Variants in NPAS3 observed in about 807,000 individuals in gnomAD.
The protein encoded by NPAS3 is neuronal PAS domain-containing protein 3.
Under a neutral mutation model 73.1 loss-of-function variants are expected in NPAS3, and 14 were observed. The observed-to-expected ratio is 0.19, with a 90% confidence interval of 0.13 to 0.30. The LOEUF is 0.30. Among genes scored for constraint, NPAS3 ranks in the 10% least tolerant of loss-of-function variants. The probability of loss-of-function intolerance (pLI) is 1.00; values close to 1 mark genes in which losing one functional copy is unlikely to be tolerated. For missense variants in NPAS3, 1,096 were observed against 1,250.0 expected, an observed-to-expected ratio of 0.88 and a Z score of 1.86; for synonymous variants, 620 against 541.5, an observed-to-expected ratio of 1.14 and a Z score of -2.01.
intron 1 of NPAS3, among the ~76,000 whole-genome samples, chr14:33,015,771 A>G (rs1457816811): frequency 2.6e-5 from 4 of 152,194 alleles, no homozygotes; most frequent in African/African-American, 7.2e-5. Flanking sequence ...TGCTAAAGAA[A>G]TTACCTACGG....
chr14:33,784,753 T>C (rs201301616), intron 9 of NPAS3, among the ~76,000 whole-genome samples: 1 of 70,516 alleles, frequency 1.4e-5, no homozygotes, highest in African/African-American at 4.5e-5. Context: ...TTATTTTTTT[T>C]TTTTTTTTTT....
At chr14:33,672,167 T>C (rs550229541) in intron 5 of NPAS3, among the ~76,000 whole-genome samples, 1 of 152,300 alleles carries the variant, frequency 6.6e-6, no homozygotes, top group East Asian at 1.9e-4. Flanking sequence ...AGACAGACAC[T>C]ATTCTCTTAA....
At chr14:33,049,461 A>G (rs1383784390) in intron 1 of NPAS3, among the ~76,000 whole-genome samples, 1 of 152,220 alleles carries the variant, frequency 6.6e-6, no homozygotes, top group Non-Finnish European at 1.5e-5. Flanking sequence ...TCATGGGGGA[A>G]GACAAGGAGG....
chr14:33,683,023 T>C (rs1277791393), intron 6 of NPAS3, among the ~76,000 whole-genome samples: 1 of 147,684 alleles, frequency 6.8e-6, no homozygotes, highest in Non-Finnish European at 1.5e-5. Flanking sequence ...TGTTGGATCT[T>C]GGCACAGTTC....
intron 2 of NPAS3, among the ~76,000 whole-genome samples, chr14:33,171,290 G>A (rs2045378766): frequency 6.6e-6 from 1 of 152,268 alleles, no homozygotes; most frequent in Admixed American, 6.5e-5. Context: ...TCCAGCCTTC[G>A]TCGTTCCATT....
At chr14:33,190,199 T>C (rs1023382934) in intron 2 of NPAS3, among the ~76,000 whole-genome samples, 2 of 152,224 alleles carry the variant, frequency 1.3e-5, no homozygotes, top group Admixed American at 1.3e-4. Flanking sequence ...CAATGAAATA[T>C]TGTCTAATGC....
intron 7 of NPAS3, among the ~76,000 whole-genome samples, chr14:33,762,928 A>C (rs1297764437): frequency 6.6e-6 from 1 of 152,208 alleles, no homozygotes; most frequent in African/African-American, 2.4e-5. Flanking sequence ...TATAGAGAGA[A>C]ATAAGCACAT....
chr14:33,524,270 A>G (rs1399974007), intron 4 of NPAS3, among the ~76,000 whole-genome samples: 3 of 152,020 alleles, frequency 2.0e-5, no homozygotes, highest in Non-Finnish European at 4.4e-5. Flanking sequence ...TTTGTCTGTA[A>G]ATTTGTTATT....
intron 6 of NPAS3, among the ~76,000 whole-genome samples, chr14:33,727,747 T>C (rs1420978952): frequency 6.6e-6 from 1 of 152,106 alleles, no homozygotes; most frequent in African/African-American, 2.4e-5. Context: ...ATAAAAGCAT[T>C]GCCACACTCG....
chr14:33,466,570 C>A (rs532900092), intron 4 of NPAS3, among the ~76,000 whole-genome samples: 1 of 152,146 alleles, frequency 6.6e-6, no homozygotes, highest in East Asian at 1.9e-4. Flanking sequence ...TACCTGAGAC[C>A]GAGTAATTTA....
At chr14:33,263,866 T>G (rs531671109) in intron 3 of NPAS3, among the ~76,000 whole-genome samples, 3 of 152,328 alleles carry the variant, frequency 2.0e-5, no homozygotes, top group Non-Finnish European at 4.4e-5. Context: ...CCTAGGTATT[T>G]TATTCTCTTT....
At chr14:33,160,379 T>C (rs542429694) in intron 2 of NPAS3, among the ~76,000 whole-genome samples, 3 of 151,994 alleles carry the variant, frequency 2.0e-5, no homozygotes, top group Non-Finnish European at 4.4e-5. Context: ...CCAAAAGTGG[T>C]GATTTTTATT....
chr14:33,362,292 G>A (rs939591484), intron 3 of NPAS3, among the ~76,000 whole-genome samples: 4 of 152,144 alleles, frequency 2.6e-5, no homozygotes, highest in African/African-American at 9.7e-5. Context: ...ATGAGGGCCA[G>A]TTTCAGAATA....
At chr14:33,656,314 C>T (rs563545979) in intron 5 of NPAS3, among the ~76,000 whole-genome samples, 10 of 152,182 alleles carry the variant, frequency 6.6e-5, no homozygotes, top group African/African-American at 2.2e-4. Flanking sequence ...CTTATTATTA[C>T]AGCTGCCAGT....
At chr14:33,395,448 C>A (rs1490439194) in intron 4 of NPAS3, among the ~76,000 whole-genome samples, 1 of 151,524 alleles carries the variant, frequency 6.6e-6, no homozygotes, top group African/African-American at 2.4e-5. Flanking sequence ...GTAAATATCA[C>A]CACTTGGGAT....
intron 2 of NPAS3, among the ~76,000 whole-genome samples, chr14:33,121,256 C>T (rs553346471): frequency 6.6e-6 from 1 of 152,206 alleles, no homozygotes; most frequent in African/African-American, 2.4e-5. Context: ...TTTTATTTTT[C>T]ACCTGATGAC....
intron 2 of NPAS3, among the ~76,000 whole-genome samples, chr14:33,184,848 C>G (rs917314214): frequency 6.6e-6 from 1 of 152,168 alleles, no homozygotes; most frequent in African/African-American, 2.4e-5. Flanking sequence ...AGATGGAGAT[C>G]TGTTTGGTGC....
Position 33,554,745 on chromosome 14 carries a change from C to G in NPAS3, c.469-5376C>G, listed in dbSNP as rs544612614. On this transcript the variant is annotated intron_variant, in intron 4 of 11. Coordinates refer to ENST00000356141, the Ensembl canonical transcript of NPAS3. Reference sequence around the variant, plus strand: ...AAAGGAGCACCATGGTAAGATGTCACTCTGTGAAATTTGGCTGCAGAGGAA... The same window carrying G: ...AAAGGAGCACCATGGTAAGATGTCAGTCTGTGAAATTTGGCTGCAGAGGAA... 1.4e-4 allele frequency among the ~76,000 whole-genome samples: 21 copies of G among 152,286 alleles called. 1 individual carries two copies. Among genetic ancestry groups the G allele is most frequent in the Admixed American group, 1.3e-3 (20 of 15,302 alleles).
intron 3 of NPAS3, among the ~76,000 whole-genome samples, chr14:33,347,967 C>T (rs1217974000): frequency 6.6e-6 from 1 of 151,972 alleles, no homozygotes; most frequent in Non-Finnish European, 1.5e-5. Context: ...GTAAAAGCAG[C>T]ACTGGAAAGT....
Sources: allele counts gnomAD v4.1 joint callset (sites outside exome capture counted in the v4.1 genomes callset), GRCh38; gene constraint gnomAD v4.1.1; transcripts MANE v1.5; gene names NCBI Gene and HGNC (gene_info 2026-07-23, HGNC 2026-07-21).